Variants in CDA observed in about 807,000 individuals in gnomAD.
CDA encodes the protein cytidine aminohydrolase.
Under a neutral mutation model 15.0 loss-of-function variants are expected in CDA, and 7 were observed. The observed-to-expected ratio is 0.47, with a 90% CI of 0.26 to 0.87. CDA has a LOEUF of 0.87. CDA is among the 40% of genes least tolerant of loss of function. The pLI is 0.15. For synonymous variants in CDA, 58 were observed against 73.0 expected (o/e 0.79, Z 1.05); for missense variants, 159 against 182.7 (o/e 0.87, Z 0.75).
intron 1 of CDA, among the ~76,000 whole-genome samples, chr1:20,598,413 C>A (rs2052608547): frequency 6.6e-6 from 1 of 152,220 alleles, no homozygotes; most frequent in African/African-American, 2.4e-5. Context: ...CTTGGACTTC[C>A]AAGCCTTCAG....
At chr1:20,599,780 A>G (rs2052625177) in intron 1 of CDA, among the ~76,000 whole-genome samples, 2 of 152,224 alleles carry the variant, frequency 1.3e-5, no homozygotes, top group African/African-American at 4.8e-5. Flanking sequence ...CTTGATTTTT[A>G]TGCAATTGAT....
intron 2 of CDA, among the ~76,000 whole-genome samples, chr1:20,612,228 T>A (rs1489502144): frequency 6.6e-6 from 1 of 152,156 alleles, no homozygotes; most frequent in East Asian, 1.9e-4. Context: ...ATAGCATCTC[T>A]GCCTCTTCAT....
intron 3 of CDA, 147 bp from the exon 4 acceptor site, chr1:20,618,305 A>G: frequency 6.1e-6 from 4 of 660,472 alleles, no homozygotes; most frequent in Non-Finnish European, 1.1e-5. Context: ...TGATCCAGGT[A>G]CAATTATGGT....
chr1:20,614,723 G>A (rs1384232137), intron 3 of CDA, among the ~76,000 whole-genome samples: 3 of 152,238 alleles, frequency 2.0e-5, no homozygotes, highest in African/African-American at 2.4e-5. Flanking sequence ...AAGGCCACGA[G>A]GGCTAGAGAG....
intron 2 of CDA, among the ~76,000 whole-genome samples, chr1:20,612,089 C>T (rs2154532798): frequency 6.6e-6 from 1 of 152,172 alleles, no homozygotes; most frequent in South Asian, 2.1e-4. Context: ...TCTCGAACTC[C>T]TGACCTCAGG....
chr1:20,596,756 C>CTTTTT (rs61288769), intron 1 of CDA, among the ~76,000 whole-genome samples: 3 of 101,116 alleles, frequency 3.0e-5, no homozygotes, highest in Admixed American at 1.2e-4. Context: ...CTGTTGATGT[C>CTTTTT]TTTTTTTTTT....
chr1:20,591,796 T>C (rs12141867), intron 1 of CDA, among the ~76,000 whole-genome samples: 15,330 of 152,062 alleles, frequency 0.1, 842 homozygotes, highest in Non-Finnish European at 0.12. Flanking sequence ...GTGAGACCCT[T>C]CACCTTTCTG....
intron 1 of CDA, among the ~76,000 whole-genome samples, chr1:20,591,313 C>G (rs2052547070): frequency 6.6e-6 from 1 of 152,162 alleles, no homozygotes; most frequent in South Asian, 2.1e-4. Context: ...TGCACTCCAG[C>G]CTGGGCGACA....
intron 2 of CDA, among the ~76,000 whole-genome samples, chr1:20,613,206 A>AT (rs34293111): frequency 0.34 from 49,757 of 147,086 alleles, 8,397 homozygotes; most frequent in Middle Eastern, 0.45. Flanking sequence ...TCCTTCTGCA[A>AT]TTTTTTTTTT....
At chr1:20,607,649 T>C (rs1248795274) in intron 2 of CDA, among the ~76,000 whole-genome samples, 1 of 152,208 alleles carries the variant, frequency 6.6e-6, no homozygotes, top group East Asian at 1.9e-4. Flanking sequence ...TAAGTATCAC[T>C]AGCAATGATT....
intron 1 of CDA, among the ~76,000 whole-genome samples, chr1:20,598,603 G>A (rs2052610135): frequency 6.6e-6 from 1 of 152,182 alleles, no homozygotes; most frequent in South Asian, 2.1e-4. Flanking sequence ...TCAGTTCTTG[G>A]CGAGGGCCCT....
chr1:20,618,384 C>G, intron 3 of CDA, 68 bp from the exon 4 acceptor site: 2 of 843,394 alleles, frequency 2.4e-6, no homozygotes, highest in Non-Finnish European at 4.0e-6. Flanking sequence ...GAGTCAGACT[C>G]AGACCCAGTC....
chr1:20,607,729 G>A (rs985088711), intron 2 of CDA, among the ~76,000 whole-genome samples: 2 of 152,188 alleles, frequency 1.3e-5, no homozygotes, highest in African/African-American at 4.8e-5. Context: ...TAGGTATTCA[G>A]CTCAGTTTCC....
intron 2 of CDA, among the ~76,000 whole-genome samples, chr1:20,606,341 A>C (rs2052695090): frequency 6.6e-6 from 1 of 151,898 alleles, no homozygotes. Context: ...TCTCCAAAAC[A>C]AAAAAGCGGG....
chr1:20,597,435 C>T (rs1166698944), intron 1 of CDA, among the ~76,000 whole-genome samples: 2 of 152,114 alleles, frequency 1.3e-5, no homozygotes, highest in Non-Finnish European at 2.9e-5. Context: ...AGCGAGACTC[C>T]GTCTCAAAAA....
rs955577530 is a variant in CDA, at chr1:20,614,867, CT to C, written c.324+980del. The stretch of plus-strand genomic sequence containing the variant: ...AGAATAAAGGAAACTGAAGTGTACA[CT>C]TTTTTTTTTTTGAGACGGAGTCTCA... On this transcript the variant is annotated intron_variant, in intron 3 of 3. Transcript: ENST00000375071. Among the ~76,000 whole-genome samples the C allele has an allele frequency of 4.1e-4, 60 of 147,088 alleles. 1 individual carries two copies. Among genetic ancestry groups the C allele is most frequent in the Admixed American group, 8.2e-4 (12 of 14,710 alleles).
At chr1:20,616,150 T>C (rs2052799986) in intron 3 of CDA, among the ~76,000 whole-genome samples, 1 of 152,082 alleles carries the variant, frequency 6.6e-6, no homozygotes, top group South Asian at 2.1e-4. Flanking sequence ...CGGTGACATA[T>C]GGGTATCCAT....
chr1:20,605,440 A>T (rs1424985030), intron 2 of CDA, among the ~76,000 whole-genome samples: 1 of 150,926 alleles, frequency 6.6e-6, no homozygotes, highest in Non-Finnish European at 1.5e-5. Flanking sequence ...TGGGCAGATC[A>T]CGAGGTCAGG....
At chr1:20,598,128 T>C (rs75759526) in intron 1 of CDA, among the ~76,000 whole-genome samples, 1,807 of 152,332 alleles carry the variant, frequency 0.012, 100 homozygotes, top group Admixed American at 0.087. Context: ...ATTATTTATA[T>C]ACACTTTTAG....
Sources: allele counts gnomAD v4.1 joint callset (sites outside exome capture counted in the v4.1 genomes callset), GRCh38; gene constraint gnomAD v4.1.1; transcripts MANE v1.5; gene names NCBI Gene and HGNC (gene_info 2026-07-23, HGNC 2026-07-21).